LRRC7: variants seen among roughly 807,000 people sequenced by gnomAD.
LRRC7 encodes leucine-rich repeat-containing protein 7.
Under a neutral mutation model 175.7 loss-of-function variants are expected in LRRC7, and 23 were observed. That is an observed-to-expected ratio of 0.13 (90% CI 0.09 to 0.19). LRRC7 has a LOEUF of 0.19. LRRC7 is among the 10% of genes least tolerant of loss of function. The pLI is 1.00. For missense variants in LRRC7, 1,354 were observed against 1,904.7 expected, an observed-to-expected ratio of 0.71 and a Z score of 5.38; for synonymous variants, 685 against 680.9, an observed-to-expected ratio of 1.01 and a Z score of -0.09.
At chr1:69,745,031 C>T (rs942309561) in intron 2 of LRRC7, among the ~76,000 whole-genome samples, 12 of 151,748 alleles carry the variant, frequency 7.9e-5, no homozygotes, top group South Asian at 2.1e-4. Context: ...ATTGTTTATA[C>T]GCTGTGCTGG....
In LRRC7 at chr1:70,144,131, T is replaced by TTTA. The variant is rs1318793707; in HGVS notation, c.*22247_*22249dup. 1 of 152,164 alleles carries TTTA rather than the reference T, an allele frequency of 6.6e-6. No homozygotes were observed. Among genetic ancestry groups the TTTA allele is most frequent in the African/African-American group, 2.4e-5 (1 of 41,456 alleles). The allele number at this position is 152,164 out of a possible 1,614,324, so 9.4% of individuals were successfully genotyped here. On this transcript the variant is annotated 3_prime_UTR_variant, in exon 27 of 27. Transcript: ENST00000651989. ...GCAAATGCAAGCTGTATTCTCCAGT[T>TTTA]TTATTTTATGTACTGACACTAATTG...
intron 8 of LRRC7, among the ~76,000 whole-genome samples, chr1:69,933,090 T>C (rs983958819): frequency 2.0e-5 from 3 of 152,238 alleles, no homozygotes; most frequent in Non-Finnish European, 4.4e-5. Context: ...TGTGTTGTGA[T>C]GGGCCCTCAC....
intron 4 of LRRC7, among the ~76,000 whole-genome samples, chr1:69,816,540 G>A (rs1442397555): frequency 1.3e-5 from 2 of 152,128 alleles, no homozygotes; most frequent in Non-Finnish European, 2.9e-5. Context: ...TTAGTGGAAG[G>A]CCTGAAGTGT....
chr1:69,835,618 T>C (rs1050190142), intron 6 of LRRC7, among the ~76,000 whole-genome samples: 12 of 152,060 alleles, frequency 7.9e-5, no homozygotes, highest in African/African-American at 2.7e-4. Context: ...TGCAGGGCAG[T>C]ATGCTTTTAA....
intron 7 of LRRC7, among the ~76,000 whole-genome samples, chr1:69,880,554 T>A (rs1191469826): frequency 2.0e-5 from 3 of 152,128 alleles, no homozygotes; most frequent in African/African-American, 7.2e-5. Flanking sequence ...GAAATTGCCA[T>A]TTGGGGGTCT....
At chr1:69,665,720 T>C (rs1658166335) in intron 1 of LRRC7, among the ~76,000 whole-genome samples, 2 of 152,140 alleles carry the variant, frequency 1.3e-5, no homozygotes, top group African/African-American at 2.4e-5. Context: ...AATAGTTTTC[T>C]TGGTGGAGAC....
chr1:69,589,260 A>T (rs1243734873), intron 1 of LRRC7, among the ~76,000 whole-genome samples: 1 of 151,870 alleles, frequency 6.6e-6, no homozygotes, highest in Non-Finnish European at 1.5e-5. Flanking sequence ...GTGTCCAACC[A>T]CTGGATCAAC....
chr1:69,842,510 A>G (rs539751973), intron 7 of LRRC7, among the ~76,000 whole-genome samples: 1 of 152,336 alleles, frequency 6.6e-6, no homozygotes, highest in East Asian at 1.9e-4. Context: ...GGCATGAAAC[A>G]TGATACCTCA....
rs201437496 is a variant in LRRC7 at position 69,694,747 on chromosome 1, C to A, written c.100+16269C>A. On this transcript the variant is annotated intron_variant, in intron 2 of 26. Transcript: ENST00000651989. ...AGAGTGTGGTACCCCTACCCCCCCC[C>A]ACTTCCTCTTCCTCCTTCTCAGCAT... Among the ~76,000 whole-genome samples, 9 of 149,232 alleles carry A rather than the reference C, an allele frequency of 6.0e-5. No homozygotes were observed. In the East Asian group the frequency reaches 1.6e-3, roughly 26 times the overall value.
rs570933233 is a variant in LRRC7, at chr1:70,143,090, C to T, written c.*21203C>T. ...AAATTTTCTTTTTCTCATTTCAGCTCATATAATTCAGTTAGTGAAATATTT... is the reference window on the plus strand; with the variant it reads ...AAATTTTCTTTTTCTCATTTCAGCTTATATAATTCAGTTAGTGAAATATTT... On this transcript the variant is annotated 3_prime_UTR_variant, in exon 27 of 27. Transcript: ENST00000651989. The T allele has an allele frequency of 7.9e-5, 12 of 151,892 alleles. No individual in the cohort carries two copies. The South Asian group carries it at 2.5e-3, about 32-fold the overall frequency. The allele number at this position is 151,892 out of a possible 1,614,324, so 9.4% of individuals were successfully genotyped here.
chr1:69,886,910 G>A (rs986479499), intron 7 of LRRC7, among the ~76,000 whole-genome samples: 15 of 152,020 alleles, frequency 9.9e-5, no homozygotes, highest in African/African-American at 2.2e-4. Context: ...ATTCTGGGTC[G>A]AAAATTCTTT....
rs564823011 is a variant in LRRC7 at position 69,816,225 on chromosome 1, G to A, written c.422-9523G>A. Among the ~76,000 whole-genome samples, 18 of 152,178 alleles carry A rather than the reference G, an allele frequency of 1.2e-4. No homozygotes were observed. The South Asian group carries it at 1.2e-3, about 11-fold the overall frequency. On this transcript the variant is annotated intron_variant, in intron 4 of 26. Transcript: ENST00000651989. The stretch of plus-strand genomic sequence containing the variant: ...ACTCCTGACCTCAAGCAATCCGCCC[G>A]CCTCAGCCTCCTAAAGTGCTGGGAT...
At chr1:70,105,090 A>G (rs563610120) in intron 25 of LRRC7, among the ~76,000 whole-genome samples, 17 of 152,322 alleles carry the variant, frequency 1.1e-4, no homozygotes, top group African/African-American at 3.6e-4. Flanking sequence ...CTGATTGTAT[A>G]TATAGTCTCT....
chr1:69,938,866 A>G (rs977527008), intron 8 of LRRC7, among the ~76,000 whole-genome samples: 1 of 151,430 alleles, frequency 6.6e-6, no homozygotes, highest in Non-Finnish European at 1.5e-5. Context: ...CACACTTTTT[A>G]AAAAGAGCAA....
intron 5 of LRRC7, among the ~76,000 whole-genome samples, chr1:69,826,283 T>C (rs1237305321): frequency 6.6e-6 from 1 of 152,054 alleles, no homozygotes; most frequent in Non-Finnish European, 1.5e-5. Context: ...ATACCAGAGA[T>C]TGCAGCAAGA....
chr1:69,802,105 T>G (rs529333734), intron 4 of LRRC7, among the ~76,000 whole-genome samples: 64 of 151,690 alleles, frequency 4.2e-4, no homozygotes, highest in Non-Finnish European at 8.3e-4. Flanking sequence ...TCACTTTTTT[T>G]AAATTTATTG....
At chr1:69,871,300 T>C (rs1273298210) in intron 7 of LRRC7, among the ~76,000 whole-genome samples, 1 of 152,072 alleles carries the variant, frequency 6.6e-6, no homozygotes, top group Non-Finnish European at 1.5e-5. Flanking sequence ...GATTGCTATA[T>C]TACTGTTCTG....
chr1:69,956,232 C>G (rs1278269473), intron 8 of LRRC7, among the ~76,000 whole-genome samples: 1 of 151,814 alleles, frequency 6.6e-6, no homozygotes, highest in African/African-American at 2.4e-5. Context: ...ATAATTTTTA[C>G]CACAGTATTT....
At chr1:69,813,832 T>C (rs1678256131) in intron 4 of LRRC7, among the ~76,000 whole-genome samples, 1 of 152,010 alleles carries the variant, frequency 6.6e-6, no homozygotes, top group African/African-American at 2.4e-5. Context: ...AAAATAGAGA[T>C]CAGAGCTTGG....
Sources: gnomAD v4.1 joint callset for allele counts (sites outside exome capture counted in the v4.1 genomes callset) on GRCh38, gnomAD v4.1.1 for gene constraint, MANE v1.5 for transcripts, NCBI Gene and HGNC (gene_info 2026-07-23, HGNC 2026-07-21) for gene names.